Variants in RET observed in about 807,000 individuals in gnomAD.
RET encodes the protein proto-oncogene tyrosine-protein kinase receptor Ret.
RET carries 19 observed loss-of-function variants against 118.3 expected under a neutral mutation model. The ratio of observed to expected loss-of-function variants is 0.16; its 90% CI spans 0.11 to 0.24. The LOEUF (loss-of-function observed/expected upper bound fraction) is 0.24, where lower values mean the gene tolerates loss of function less well. Among genes scored for constraint, RET ranks in the 10% least tolerant of loss-of-function variants. The pLI is 1.00. For missense variants in RET, 1,219 were observed against 1,502.1 expected, an observed-to-expected ratio of 0.81 and a Z score of 3.12; for synonymous variants, 597 against 644.1, an observed-to-expected ratio of 0.93 and a Z score of 1.11.
chr10:43,125,004 C>T (rs1162204597), intron 18 of RET, 22 bp downstream of exon 18: 1 of 1,611,336 alleles, frequency 6.2e-7, no homozygotes, highest in East Asian at 2.2e-5. Flanking sequence ...GGTCCAATTC[C>T]CACAAGCTGA....
chr10:43,077,287 G>GGCTGCGTCTGCTGTT lies in RET; in HGVS notation c.35_49dup (p.Arg12_Leu16dup). The GGCTGCGTCTGCTGTT allele has an allele frequency of 6.6e-7, 1 of 1,509,480 alleles. No individual in the cohort carries two copies. Among genetic ancestry groups the GGCTGCGTCTGCTGTT allele is most frequent in the Non-Finnish European group, 8.8e-7 (1 of 1,134,588 alleles). 93.5% of individuals were successfully genotyped at this position (1,509,480 alleles called of 1,614,324 possible). A position where few individuals can be genotyped will look rare whatever the true frequency, so the allele number is the denominator to read the frequency against. On this transcript the variant is annotated inframe_insertion, in exon 1 of 20. Coordinates refer to ENST00000355710, the MANE Select transcript of RET (RefSeq NM_020975.6). ...GCGAAGGCGACGTCCGGTGCCGCGG[G>GGCTGCGTCTGCTGTT]GCTGCGTCTGCTGTTGCTGCTGCTG...
At chr10:43,126,119 G>C (rs1838322921) in intron 18 of RET, among the ~76,000 whole-genome samples, 1 of 152,176 alleles carries the variant, frequency 6.6e-6, no homozygotes, top group Non-Finnish European at 1.5e-5. Context: ...CTTGGGGAAA[G>C]CTGGAAAACA....
rs2132766399 is a variant in RET at position 43,111,234 on chromosome 10, C to G, written c.1291C>G (p.Gln431Glu). 6.2e-7 allele frequency: 1 copy of G among 1,614,114 alleles called. No individual in the cohort carries two copies. The highest frequency in any genetic ancestry group is 1.3e-5 in the African/African-American group (1 of 75,048). Residue 431 changes from glutamine to glutamate, a missense_variant, in exon 7 of 20, where the codon CAG (glutamine) becomes GAG (glutamate). By Grantham distance (29) the Gln-to-Glu change is conservative. Transcript: ENST00000355710. The stretch of plus-strand genomic sequence containing the variant: ...CGGGAAAGTCTGTGTGGAAAACTGC[C>G]AGGCATTCAGTGGCATCAACGTCCA... ...QIGKVCVENC[Q>E]AFSGINVQYK... is the part of the protein sequence containing the mutation.
At chr10:43,110,016 T>C (rs1837879659) in intron 6 of RET, among the ~76,000 whole-genome samples, 1 of 152,220 alleles carries the variant, frequency 6.6e-6, no homozygotes, top group Admixed American at 6.5e-5. Context: ...GGTGGTTCTG[T>C]GCCCGCATCA....
intron 3 of RET, 149 bp from the exon 4 acceptor site, chr10:43,104,803 G>A (rs1368856573): frequency 2.5e-6 from 3 of 1,207,316 alleles, no homozygotes; most frequent in Admixed American, 2.6e-5. Context: ...TGCTCCGAGC[G>A]CTGCCCTCCC....
At chr10:43,121,600 A>C (rs1201499725) in intron 15 of RET, among the ~76,000 whole-genome samples, 1 of 152,252 alleles carries the variant, frequency 6.6e-6, no homozygotes, top group Non-Finnish European at 1.5e-5. Flanking sequence ...TTTCCCAAAC[A>C]CATTGGCCCT....
chr10:43,120,032 C>G (rs773965669), intron 14 of RET, 49 bp from the exon 15 acceptor site: 2 of 1,608,616 alleles, frequency 1.2e-6, no homozygotes, highest in African/African-American at 1.3e-5. Flanking sequence ...AGCCAGTGAC[C>G]GCTGCTGCCT....
intron 1 of RET, among the ~76,000 whole-genome samples, chr10:43,091,445 A>G (rs552306557): frequency 6.6e-6 from 1 of 152,238 alleles, no homozygotes; most frequent in South Asian, 2.1e-4. Context: ...CCTAGCCAAC[A>G]TGGTGAAACC....
At position 43,120,214 on chromosome 10, in the gene RET, C is replaced by G. The variant is rs1838183917; in HGVS notation, c.2730+11C>G. 3 of 1,612,222 alleles carry G rather than the reference C, an allele frequency of 1.9e-6. No individual in the cohort carries two copies. Among genetic ancestry groups the G allele is most frequent in the Non-Finnish European group, 2.5e-6 (3 of 1,179,936 alleles). On this transcript the variant is annotated intron_variant, in intron 15 of 19. Coordinates refer to ENST00000355710, the MANE Select transcript of RET (RefSeq NM_020975.6). ...GTGAAGAGGAGCCAGGTGCCCAGTC[C>G]CGGGGATGAGGCGGGGCTCCCAGGG...
intron 1 of RET, among the ~76,000 whole-genome samples, chr10:43,093,023 CGTT>C (rs1837442048): frequency 6.6e-6 from 1 of 152,144 alleles, no homozygotes; most frequent in South Asian, 2.1e-4. Flanking sequence ...TGTACTGGCT[CGTT>C]GATTCATTGA....
At chr10:43,116,530 G>A (rs2132900490) in intron 11 of RET, 54 bp from the exon 12 acceptor site, 1 of 1,607,426 alleles carries the variant, frequency 6.2e-7, no homozygotes, top group African/African-American at 1.3e-5. Context: ...TTCCTCCCCT[G>A]TCATCCTCAC....
chr10:43,120,032 C>A, intron 14 of RET, 49 bp from the exon 15 acceptor site: 1 of 1,608,616 alleles, frequency 6.2e-7, no homozygotes. Flanking sequence ...AGCCAGTGAC[C>A]GCTGCTGCCT....
chr10:43,126,680 C>T lies in RET; in HGVS notation c.3145C>T (p.Pro1049Ser), dbSNP rs1588881090. The T allele has an allele frequency of 6.2e-7, 1 of 1,614,090 alleles. No homozygotes were observed. The highest frequency in any genetic ancestry group is 8.5e-7 in the Non-Finnish European group (1 of 1,180,022). ...GGTGGACTGTAATAATGCCCCCCTCCCTCGAGCCCTCCCTTCCACATGGAT... is the reference window on the plus strand; with the variant it reads ...GGTGGACTGTAATAATGCCCCCCTCTCTCGAGCCCTCCCTTCCACATGGAT... ...PLVDCNNAPL[P>S]RALPSTWIEN... Residue 1049 changes from proline (P) to serine (S), a missense_variant, in exon 19 of 20, where the codon CCT becomes TCT. Physicochemically the swap from Pro to Ser is moderately conservative, Grantham distance 74 (BLOSUM62 -1). Transcript: ENST00000355710.
Position 43,120,074 on chromosome 10 carries a change from C to G in RET, c.2608-7C>G, listed in dbSNP as rs755491947. 1.2e-6 allele frequency: 2 copies of G among 1,613,614 alleles called. No homozygotes were observed. Among genetic ancestry groups the G allele is most frequent in the South Asian group, 1.1e-5 (1 of 90,956 alleles). ...GGCCTGACGACTCGTGCTATTTTTC[C>G]TCACAGCTCGTTCATCGGGACTTGG... On this transcript the variant is annotated splice_polypyrimidine_tract_variant and splice_region_variant and intron_variant, in intron 14 of 19. Coordinates refer to ENST00000355710, the MANE Select transcript of RET (RefSeq NM_020975.6).
chr10:43,111,933 C>T (rs566166917), intron 7 of RET, among the ~76,000 whole-genome samples, 166 bp from the exon 8 acceptor site: 7 of 152,356 alleles, frequency 4.6e-5, no homozygotes, highest in South Asian at 4.1e-4. Flanking sequence ...CCCTGCCCTG[C>T]GCCCTGTGCT....
chr10:43,102,564 A>G lies in RET; in HGVS notation c.560A>G (p.Gln187Arg). Residue 187 changes from glutamine to arginine, a missense_variant, in exon 3 of 20, where the codon CAG (glutamine) becomes CGG (arginine). Transcript: ENST00000355710. ...AACCGACCCCCAGGCACCTTCCACC[A>G]GTTCCGCCTGCTGCCTGTGCAGTTC... Reference protein sequence around the residue: ...RENRPPGTFHQFRLLPVQFLC... With the variant: ...RENRPPGTFHRFRLLPVQFLC... 1 of 1,614,170 alleles carries G rather than the reference A, an allele frequency of 6.2e-7. No individual in the cohort carries two copies. The highest frequency in any genetic ancestry group is 1.1e-5 in the South Asian group (1 of 91,086).
chr10:43,100,346 G>T, intron 1 of RET, 113 bp from the exon 2 acceptor site: 1 of 1,233,002 alleles, frequency 8.1e-7, no homozygotes. Context: ...CTCAGGAACA[G>T]AGATGAAAAA....
In RET at chr10:43,128,286, G is replaced by A. The variant is rs758171346; in HGVS notation, c.*17G>A. ...GATAGTTAACATTTCTTTGTGAAAG[G>A]TAATGGACTCACAAGGGGAAGAAAC... On this transcript the variant is annotated 3_prime_UTR_variant, in exon 20 of 20. Transcript: ENST00000355710. 5 of 1,613,948 alleles carry A rather than the reference G, an allele frequency of 3.1e-6. No homozygotes were observed. The South Asian group carries it at 5.5e-5, about 18-fold the overall frequency.
At position 43,110,134 on chromosome 10, in the gene RET, A is replaced by AG. The variant is rs558733573; in HGVS notation, c.1263+908dup. On this transcript the variant is annotated intron_variant, in intron 6 of 19. Coordinates refer to ENST00000355710, the MANE Select transcript of RET (RefSeq NM_020975.6). Reference sequence around the variant, plus strand: ...TTAATGGGAGTGGGATCAGAGACAGAGGGGCGACAAGACAGAGGGCCCCGG... The same window carrying AG: ...TTAATGGGAGTGGGATCAGAGACAGAGGGGGCGACAAGACAGAGGGCCCCGG... 1.2e-4 allele frequency among the ~76,000 whole-genome samples: 18 copies of AG among 152,084 alleles called. No homozygotes were observed. In the South Asian group the frequency reaches 3.5e-3, roughly 30 times the overall value.
Sources: allele counts gnomAD v4.1 joint callset (sites outside exome capture counted in the v4.1 genomes callset), GRCh38; gene constraint gnomAD v4.1.1; transcripts MANE v1.5; gene names NCBI Gene and HGNC (gene_info 2026-07-23, HGNC 2026-07-21).